Variants in FASTKD2 observed in about 807,000 individuals in gnomAD.
FASTKD2 encodes the protein FAST kinase domains 2, also known as FAST kinase domain-containing protein 2, mitochondrial.
A neutral mutation model predicts 63.6 loss-of-function variants in FASTKD2; 51 were observed. That is an observed-to-expected ratio of 0.80 (90% CI 0.64 to 1.01). The LOEUF is 1.01. FASTKD2 is among the 50% of genes least tolerant of loss of function. The probability of loss-of-function intolerance (pLI) is 0.00; values close to 1 mark genes in which losing one functional copy is unlikely to be tolerated. For missense variants in FASTKD2, 786 were observed against 831.1 expected (o/e 0.95, Z 0.67); for synonymous variants, 284 against 293.4 (o/e 0.97, Z 0.33).
chr2:206,785,020 A>G (rs182476040), intron 7 of FASTKD2, among the ~76,000 whole-genome samples: 1 of 152,320 alleles, frequency 6.6e-6, no homozygotes, highest in Admixed American at 6.5e-5. Flanking sequence ...TAATGGACTC[A>G]CAGTTCCACA....
chr2:206,778,469 G>A (rs1689879860), intron 7 of FASTKD2, among the ~76,000 whole-genome samples: 1 of 151,984 alleles, frequency 6.6e-6, no homozygotes, highest in South Asian at 2.1e-4. Context: ...TTTTCCCTCT[G>A]TTGATTTCTA....
rs1480770352 is a variant in FASTKD2 at position 206,771,281 on chromosome 2, G to A, written c.981G>A (p.Arg327=). The A allele has an allele frequency of 1.3e-6, 2 of 1,584,076 alleles. No homozygotes were observed. The highest frequency in any genetic ancestry group is 2.2e-5 in the South Asian group (2 of 90,448). Reference sequence around the variant, plus strand: ...AAGATGCACCGATTGCTCTTAAGAGGAAACTGGAGGTAAACACATGAATTT... The same window carrying A: ...AAGATGCACCGATTGCTCTTAAGAGAAAACTGGAGGTAAACACATGAATTT... ...IGKDAPIALK[R]KLEMKALREL... is the part of the protein sequence containing the mutation. The change falls in exon 4 of 12, where the codon AGG becomes AGA. Residue 327 remains arginine (R), a synonymous_variant. Coordinates refer to ENST00000402774, the MANE Select transcript of FASTKD2 (RefSeq NM_001136193.2).
intron 7 of FASTKD2, among the ~76,000 whole-genome samples, chr2:206,776,922 C>A (rs1383521904): frequency 1.3e-5 from 2 of 152,178 alleles, no homozygotes; most frequent in South Asian, 2.1e-4. Flanking sequence ...GTCTTTCAAT[C>A]CATGAATGCA....
intron 7 of FASTKD2, among the ~76,000 whole-genome samples, chr2:206,784,380 T>C (rs1430798631): frequency 6.6e-6 from 1 of 152,156 alleles, no homozygotes; most frequent in African/African-American, 2.4e-5. Flanking sequence ...CTAGAAGAGA[T>C]GGTTAGATAG....
chr2:206,770,867 A>T (rs2105973377), intron 3 of FASTKD2, among the ~76,000 whole-genome samples: 1 of 152,268 alleles, frequency 6.6e-6, no homozygotes, highest in African/African-American at 2.4e-5. Context: ...AATTGATATA[A>T]ATGATCTAAT....
chr2:206,784,379 A>G (rs566873967), intron 7 of FASTKD2, among the ~76,000 whole-genome samples: 4 of 152,286 alleles, frequency 2.6e-5, no homozygotes, highest in African/African-American at 9.6e-5. Context: ...ACTAGAAGAG[A>G]TGGTTAGATA....
rs1422154438 is a variant in FASTKD2 at position 206,766,727 on chromosome 2, T to C, written c.34T>C (p.Ser12Pro). 2 of 1,614,026 alleles carry C rather than the reference T, an allele frequency of 1.2e-6. No individual in the cohort carries two copies. The highest frequency in any genetic ancestry group is 1.7e-6 in the Non-Finnish European group (2 of 1,180,016). The change falls in exon 2 of 12, where the codon TCA becomes CCA. Residue 12 changes from serine to proline, a missense_variant. By Grantham distance (74) the Ser-to-Pro change is moderately conservative (BLOSUM62 -1). Coordinates refer to ENST00000402774, the MANE Select transcript of FASTKD2 (RefSeq NM_001136193.2). ...LTTLKPFGSV[S>P]VESKMNNKAG... ...AACTTTGAAGCCATTTGGAAGTGTT[T>C]CAGTGGAGAGCAAAATGAATAACAA...
intron 1 of FASTKD2, among the ~76,000 whole-genome samples, chr2:206,766,364 A>G (rs1689471288): frequency 1.3e-5 from 2 of 152,098 alleles, no homozygotes; most frequent in African/African-American, 2.4e-5. Context: ...CAATGCCAAC[A>G]AAAGTCTCTC....
At chr2:206,785,123 C>T (rs186801360) in intron 7 of FASTKD2, among the ~76,000 whole-genome samples, 169 of 152,086 alleles carry the variant, frequency 1.1e-3, no homozygotes, top group African/African-American at 3.9e-3. Flanking sequence ...AGGGGTTTCC[C>T]CTTATAAAAC....
Position 206,792,010 on chromosome 2 carries a change from A to C in FASTKD2, c.*208A>C. On this transcript the variant is annotated 3_prime_UTR_variant, in exon 12 of 12. Transcript: ENST00000402774. ...AAATTCCAGAAGGGTTATTTTTCCA[A>C]CCACACCTATTCCCTCTAGTGCCCA... The C allele has an allele frequency of 1.8e-6, 1 of 568,800 alleles. No homozygotes were observed. Among genetic ancestry groups the C allele is most frequent in the Non-Finnish European group, 3.1e-6 (1 of 319,950 alleles). 35.2% of individuals were successfully genotyped at this position (568,800 alleles called of 1,614,324 possible).
At position 206,786,789 on chromosome 2, in the gene FASTKD2, C is replaced by T. The variant is rs1397064961; in HGVS notation, c.1484C>T (p.Ser495Phe). The change falls in exon 8 of 12, where the codon TCT becomes TTT. Residue 495 changes from serine to phenylalanine, a missense_variant. Coordinates refer to ENST00000402774, the MANE Select transcript of FASTKD2 (RefSeq NM_001136193.2). ...ALTGYLHTIS[S>F]ENLLDAVYSF... ...ACTGGTTATCTTCACACTATTTCTT[C>T]TGAAAACTTATTGGATGCAGTATAT... The T allele has an allele frequency of 6.2e-7, 1 of 1,613,646 alleles. No homozygotes were observed. The highest frequency in any genetic ancestry group is 8.5e-7 in the Non-Finnish European group (1 of 1,179,678).
At position 206,771,882 on chromosome 2, in the gene FASTKD2, T is replaced by C. The variant is rs1443112211; in HGVS notation, c.991-12T>C. Reference sequence around the variant, plus strand: ...AGATAGTAAATTAAATTAAAATTTGTTTTTTCTTTAGATGAAAGCCTTGAG... The same window carrying C: ...AGATAGTAAATTAAATTAAAATTTGCTTTTTCTTTAGATGAAAGCCTTGAG... On this transcript the variant is annotated splice_polypyrimidine_tract_variant and intron_variant, in intron 4 of 11. Coordinates refer to ENST00000402774, the MANE Select transcript of FASTKD2 (RefSeq NM_001136193.2). The C allele has an allele frequency of 6.3e-7, 1 of 1,582,748 alleles. No individual in the cohort carries two copies. The highest frequency in any genetic ancestry group is 1.1e-5 in the South Asian group (1 of 90,342).
rs1304003703 is a variant in FASTKD2, at chr2:206,767,188, CCT to C, written c.496_497del (p.Leu166GlufsTer2). On this transcript the variant is annotated frameshift_variant, in exon 2 of 12. Transcript: ENST00000402774. LOFTEE classifies it high-confidence loss of function. Reference protein sequence around the residue: ...SRKLSEECNSLSDVLDAFSKA... With the variant: ...SRKLSEECNSXSDVLDAFSKA... ...GAAAACTGTCTGAGGAATGTAATTC[CCT>C]GAGTGATGTGTTAGATGCATTTTCA... 5 of 1,614,028 alleles carry C rather than the reference CCT, an allele frequency of 3.1e-6. No individual in the cohort carries two copies. Among genetic ancestry groups the C allele is most frequent in the Non-Finnish European group, 3.4e-6 (4 of 1,180,024 alleles).
chr2:206,766,983 C>T lies in FASTKD2; in HGVS notation c.290C>T (p.Thr97Ile). 1.9e-6 allele frequency: 3 copies of T among 1,612,728 alleles called. No individual in the cohort carries two copies. Among genetic ancestry groups the T allele is most frequent in the Non-Finnish European group, 2.5e-6 (3 of 1,178,864 alleles). The change falls in exon 2 of 12, where the codon ACT becomes ATT. Residue 97 changes from threonine (T) to isoleucine (I), a missense_variant. Coordinates refer to ENST00000402774, the MANE Select transcript of FASTKD2 (RefSeq NM_001136193.2). ...DVGFQTKGIS[T>I]LTALRIERLL... Reference sequence around the variant, plus strand: ...GGCTTTCAAACAAAGGGCATAAGCACTCTAACAGCCCTTAGAATTGAAAGA... The same window carrying T: ...GGCTTTCAAACAAAGGGCATAAGCATTCTAACAGCCCTTAGAATTGAAAGA...
chr2:206,771,100 G>T, intron 3 of FASTKD2, 82 bp from the exon 4 acceptor site: 1 of 815,744 alleles, frequency 1.2e-6, no homozygotes, highest in South Asian at 1.4e-5. Flanking sequence ...CTGTAAGAAG[G>T]GGCTGGACCA....
At position 206,774,318 on chromosome 2, in the gene FASTKD2, T is replaced by G; in HGVS notation, c.1348T>G (p.Ser450Ala). The G allele has an allele frequency of 6.2e-7, 1 of 1,603,638 alleles. No individual in the cohort carries two copies. The highest frequency in any genetic ancestry group is 8.5e-7 in the Non-Finnish European group (1 of 1,170,980). ...GAAGAGAATAGTAGAGGATCCTGAA[T>G]CCCTAAACATGAAAAACATTCTATC... ...FMKRIVEDPESLNMKNILSIL... is the reference protein window; with the variant it reads ...FMKRIVEDPEALNMKNILSIL... The change falls in exon 7 of 12, where the codon TCC becomes GCC. Residue 450 changes from serine to alanine, a missense_variant. Coordinates refer to ENST00000402774, the MANE Select transcript of FASTKD2 (RefSeq NM_001136193.2).
At chr2:206,787,268 T>G (rs1429375115) in intron 8 of FASTKD2, among the ~76,000 whole-genome samples, 2 of 152,184 alleles carry the variant, frequency 1.3e-5, no homozygotes, top group African/African-American at 2.4e-5. Context: ...CTAAGTCAAT[T>G]TTTGCAGCTG....
At chr2:206,774,095 T>C in intron 6 of FASTKD2, 130 bp from the exon 7 acceptor site, 1 of 634,422 alleles carries the variant, frequency 1.6e-6, no homozygotes, top group Admixed American at 2.9e-5. Context: ...TTCATGGAAA[T>C]ATTCTGTTTC....
Position 206,771,261 on chromosome 2 carries a change from GC to G in FASTKD2, c.962del (p.Ala321AspfsTer11). The G allele has an allele frequency of 6.2e-7, 1 of 1,608,800 alleles. No individual in the cohort carries two copies. Among genetic ancestry groups the G allele is most frequent in the Non-Finnish European group, 8.5e-7 (1 of 1,175,238 alleles). On this transcript the variant is annotated frameshift_variant, in exon 4 of 12. Transcript: ENST00000402774. LOFTEE classifies it high-confidence loss of function. ...QVVMKCIGKD[A>X]PIALKRKLEM... ...TGTGATGAAGTGTATTGGAAAAGAT[GC>G]ACCGATTGCTCTTAAGAGGAAACTG...
Sources: allele counts gnomAD v4.1 joint callset (sites outside exome capture counted in the v4.1 genomes callset), GRCh38; gene constraint gnomAD v4.1.1; transcripts MANE v1.5; gene names NCBI Gene and HGNC (gene_info 2026-07-23, HGNC 2026-07-21).